GALNTL6: variants seen among roughly 807,000 people sequenced by gnomAD.
The protein encoded by GALNTL6 is polypeptide N-acetylgalactosaminyltransferase-like 6.
GALNTL6 carries 46 observed loss-of-function variants against 73.7 expected under a neutral mutation model. That is an observed-to-expected ratio of 0.62 (90% CI 0.49 to 0.80). The LOEUF (loss-of-function observed/expected upper bound fraction) is 0.80. Ranked by LOEUF, GALNTL6 falls within the 30% of genes least tolerant of loss-of-function variation. The pLI, the probability that GALNTL6 is intolerant of heterozygous loss-of-function variation, is 0.00. For missense variants in GALNTL6, 604 were observed against 755.0 expected (o/e 0.80, Z 2.34); for synonymous variants, 259 against 263.7 (o/e 0.98, Z 0.17).
At chr4:172,532,782 T>C (rs1282633734) in intron 5 of GALNTL6, among the ~76,000 whole-genome samples, 1 of 152,134 alleles carries the variant, frequency 6.6e-6, no homozygotes, top group East Asian at 1.9e-4. Flanking sequence ...GCTTTGTTTT[T>C]GTGTTTTGGC....
At chr4:172,161,216 T>C (rs770887240) in intron 2 of GALNTL6, among the ~76,000 whole-genome samples, 5 of 152,006 alleles carry the variant, frequency 3.3e-5, no homozygotes, top group Non-Finnish European at 5.9e-5. Flanking sequence ...GTAACCACCA[T>C]AGATATTCAC....
chr4:172,084,963 C>A (rs1475115066), intron 2 of GALNTL6, among the ~76,000 whole-genome samples: 1 of 152,086 alleles, frequency 6.6e-6, no homozygotes, highest in Admixed American at 6.6e-5. Context: ...TAAATTTCAA[C>A]AAGATATCAG....
At position 172,866,674 on chromosome 4, in the gene GALNTL6, C is replaced by A. The variant is rs532641256; in HGVS notation, c.924-16116C>A. On this transcript the variant is annotated intron_variant, in intron 7 of 12. Coordinates refer to ENST00000506823, the MANE Select transcript of GALNTL6 (RefSeq NM_001034845.3). ...TTCACCTTTGCTCTGGCCCTCACAC[C>A]CTAAGATTCTGCCATGTCCTGTGGT... Among the ~76,000 whole-genome samples, 3 of 152,260 alleles carry A rather than the reference C, an allele frequency of 2.0e-5. No individual in the cohort carries two copies. In the South Asian group the frequency reaches 6.2e-4, roughly 32 times the overall value.
intron 5 of GALNTL6, among the ~76,000 whole-genome samples, chr4:172,757,372 C>G (rs1737810284): frequency 1.3e-5 from 2 of 152,166 alleles, no homozygotes; most frequent in South Asian, 4.1e-4. Context: ...AATTAATGTA[C>G]TATGGTACTG....
intron 4 of GALNTL6, among the ~76,000 whole-genome samples, chr4:172,319,680 A>T (rs1740687763): frequency 6.6e-6 from 1 of 152,192 alleles, no homozygotes; most frequent in Non-Finnish European, 1.5e-5. Context: ...TTGTCTGACA[A>T]TTATTTATTA....
chr4:172,491,822 T>C (rs1268715465), intron 5 of GALNTL6, among the ~76,000 whole-genome samples: 1 of 152,146 alleles, frequency 6.6e-6, no homozygotes, highest in African/African-American at 2.4e-5. Flanking sequence ...ATAACAAAAG[T>C]GATTACAGAG....
chr4:172,286,854 T>C (rs1411966820), intron 3 of GALNTL6, among the ~76,000 whole-genome samples: 1 of 152,114 alleles, frequency 6.6e-6, no homozygotes, highest in East Asian at 1.9e-4. Flanking sequence ...ATTCCAGTGG[T>C]ATGTTCAGTA....
chr4:172,575,437 A>G (rs1295893283), intron 5 of GALNTL6, among the ~76,000 whole-genome samples: 1 of 152,180 alleles, frequency 6.6e-6, no homozygotes, highest in Non-Finnish European at 1.5e-5. Context: ...ATGGTTATTC[A>G]ATACAGCCCT....
At chr4:172,125,365 T>C (rs576234590) in intron 2 of GALNTL6, among the ~76,000 whole-genome samples, 2 of 152,318 alleles carry the variant, frequency 1.3e-5, no homozygotes, top group South Asian at 2.1e-4. Flanking sequence ...GATGGTTGAA[T>C]GGTTGAAATT....
At chr4:171,975,611 T>A (rs1739698054) in intron 2 of GALNTL6, among the ~76,000 whole-genome samples, 1 of 151,938 alleles carries the variant, frequency 6.6e-6, no homozygotes, top group Non-Finnish European at 1.5e-5. Context: ...CAAAAGAAAG[T>A]CATACTGGGT....
At chr4:171,989,233 T>C (rs948607340) in intron 2 of GALNTL6, among the ~76,000 whole-genome samples, 7 of 152,040 alleles carry the variant, frequency 4.6e-5, no homozygotes, top group South Asian at 4.1e-4. Context: ...TGAGAGTTAC[T>C]CAAAGCTTGG....
At chr4:172,072,884 T>C (rs1228557805) in intron 2 of GALNTL6, among the ~76,000 whole-genome samples, 6 of 152,218 alleles carry the variant, frequency 3.9e-5, no homozygotes, top group Non-Finnish European at 7.3e-5. Flanking sequence ...TTCATTTTCT[T>C]CCTCAAACTA....
At chr4:172,797,166 A>G (rs1359677710) in intron 5 of GALNTL6, among the ~76,000 whole-genome samples, 1 of 152,238 alleles carries the variant, frequency 6.6e-6, no homozygotes, top group African/African-American at 2.4e-5. Flanking sequence ...TGCAGCAATG[A>G]AAGTACTTTC....
At chr4:172,601,378 A>G (rs1427889329) in intron 5 of GALNTL6, among the ~76,000 whole-genome samples, 1 of 152,106 alleles carries the variant, frequency 6.6e-6, no homozygotes, top group Non-Finnish European at 1.5e-5. Context: ...TATTTGGGTA[A>G]TGGGGCAGAT....
chr4:172,532,883 A>C (rs1454764507), intron 5 of GALNTL6, among the ~76,000 whole-genome samples: 1 of 152,222 alleles, frequency 6.6e-6, no homozygotes, highest in Admixed American at 6.5e-5. Context: ...ACTACTTAAA[A>C]AGAAAAGGGG....
chr4:172,442,894 A>G (rs937104660), intron 5 of GALNTL6, among the ~76,000 whole-genome samples: 4 of 151,950 alleles, frequency 2.6e-5, no homozygotes, highest in Admixed American at 2.0e-4. Flanking sequence ...AAGCAAATAG[A>G]GATGATATCA....
chr4:172,747,111 G>A (rs2110763982), intron 5 of GALNTL6, among the ~76,000 whole-genome samples: 1 of 152,128 alleles, frequency 6.6e-6, no homozygotes, highest in East Asian at 1.9e-4. Context: ...ATAGTTATGA[G>A]CAAATTTAAC....
At chr4:171,858,988 C>T (rs1476437475) in intron 2 of GALNTL6, among the ~76,000 whole-genome samples, 1 of 152,104 alleles carries the variant, frequency 6.6e-6, no homozygotes, top group Non-Finnish European at 1.5e-5. Flanking sequence ...TTATAATGTG[C>T]AATATACCGG....
intron 2 of GALNTL6, among the ~76,000 whole-genome samples, chr4:171,921,207 T>G (rs529516062): frequency 1.2e-4 from 19 of 152,168 alleles, no homozygotes; most frequent in Admixed American, 2.0e-4. Flanking sequence ...CAATATCTCA[T>G]TCGGAGCAGA....
Sources: allele counts gnomAD v4.1 joint callset (sites outside exome capture counted in the v4.1 genomes callset), GRCh38; gene constraint gnomAD v4.1.1; transcripts MANE v1.5; gene names NCBI Gene and HGNC (gene_info 2026-07-23, HGNC 2026-07-21).